Variants in STK26 observed in about 807,000 individuals in gnomAD.
STK26 encodes the protein serine/threonine-protein kinase 26.
Under a neutral mutation model 34.7 loss-of-function variants are expected in STK26, and 14 were observed. The ratio of observed to expected loss-of-function variants is 0.40; its 90% CI spans 0.27 to 0.63. The LOEUF is 0.63. Among genes scored for constraint, STK26 ranks in the 30% least tolerant of loss-of-function variants. The pLI, the probability that STK26 is intolerant of heterozygous loss-of-function variation, is 0.38. For missense variants in STK26, 226 were observed against 309.1 expected, an observed-to-expected ratio of 0.73 and a Z score of 2.02; for synonymous variants, 100 against 109.8, an observed-to-expected ratio of 0.91 and a Z score of 0.56.
In STK26 at chrX:132,023,669, C is replaced by A; in HGVS notation, c.42+10C>A. ...AGTGCCTGGGATGCAGGTGAGGAAG[C>A]GCAGGCCGCCCCCGCCGCCCACGTG... On this transcript the variant is annotated intron_variant, in intron 2 of 11. Transcript: ENST00000394334. 1 of 1,177,052 alleles carries A rather than the reference C, an allele frequency of 8.5e-7. No homozygotes were observed. The highest frequency in any genetic ancestry group is 1.1e-6 in the Non-Finnish European group (1 of 878,439).
chrX:132,044,364 C>A (rs1357659364), intron 2 of STK26, among the ~76,000 whole-genome samples: 1 of 110,818 alleles, frequency 9.0e-6, no homozygotes, highest in African/African-American at 3.3e-5. Flanking sequence ...TCAGGTTCCC[C>A]TAGGGGGATG....
chrX:132,038,027 C>G (rs184073660), intron 2 of STK26, among the ~76,000 whole-genome samples: 22 of 110,224 alleles, frequency 2.0e-4, no homozygotes, highest in African/African-American at 7.3e-4. Flanking sequence ...GATCTTCTAT[C>G]TGCTGAGGTT....
chrX:132,071,071 T>C lies in STK26; in HGVS notation c.786T>C (p.Arg262=), dbSNP rs150917439. The part of the protein sequence containing the change: ...DACLNKDPSF[R]PTAKELLKHK... The stretch of plus-strand genomic sequence containing the variant: ...AGCCTTGATCTTTTTATCCTTAGCG[T>C]CCTACAGCAAAAGAACTTCTGAAAC... Residue 262 remains arginine (R), a splice_region_variant and synonymous_variant, in exon 8 of 12, where the codon CGT becomes CGC. Transcript: ENST00000394334. The C allele has an allele frequency of 3.3e-6, 4 of 1,207,770 alleles. No individual in the cohort carries two copies. Among genetic ancestry groups the C allele is most frequent in the Non-Finnish European group, 3.4e-6 (3 of 893,193 alleles).
chrX:132,033,206 TAA>T (rs916398761), intron 2 of STK26, among the ~76,000 whole-genome samples: 1 of 111,069 alleles, frequency 9.0e-6, no homozygotes, highest in Non-Finnish European at 1.9e-5. Context: ...ATAGAAACCA[TAA>T]AGTCAGAATT....
rs145938039 is a variant in STK26, at chrX:132,057,628, C to T, written c.273+2767C>T. On this transcript the variant is annotated intron_variant, in intron 3 of 11. Coordinates refer to ENST00000394334, the MANE Select transcript of STK26 (RefSeq NM_016542.4). ...TCCTCTGCCGTCTTGGTGACTTTGTCATCGCTTTCCATCTATCTGTATCTA... is the reference window on the plus strand; with the variant it reads ...TCCTCTGCCGTCTTGGTGACTTTGTTATCGCTTTCCATCTATCTGTATCTA... 6.0e-3 allele frequency among the ~76,000 whole-genome samples: 667 copies of T among 111,182 alleles called. 4 individuals are homozygous for T. Among genetic ancestry groups the T allele is most frequent in the African/African-American group, 0.021 (630 of 30,578 alleles).
At chrX:132,048,966 TTTTG>T (rs745675021) in intron 2 of STK26, among the ~76,000 whole-genome samples, 2 of 108,270 alleles carry the variant, frequency 1.8e-5, no homozygotes, top group South Asian at 4.0e-4. Flanking sequence ...AAATTCTGTT[TTTTG>T]TTTGTTTGTT....
chrX:132,049,317 T>C (rs1426831242), intron 2 of STK26, among the ~76,000 whole-genome samples: 3 of 111,730 alleles, frequency 2.7e-5, no homozygotes, highest in Admixed American at 9.5e-5. Flanking sequence ...AAAAATGATA[T>C]CTTGATTAGG....
At chrX:132,061,893 T>A (rs1353301944) in intron 3 of STK26, among the ~76,000 whole-genome samples, 1 of 111,834 alleles carries the variant, frequency 8.9e-6, no homozygotes, top group Non-Finnish European at 1.9e-5. Context: ...AGCTTGAGAA[T>A]CTTCACCCCG....
chrX:132,063,240 T>C (rs1335375368), intron 3 of STK26, among the ~76,000 whole-genome samples, 193 bp from the exon 4 acceptor site: 1 of 111,546 alleles, frequency 9.0e-6, no homozygotes, highest in African/African-American at 3.3e-5. Flanking sequence ...CTCCCTACTA[T>C]CCTTCCCAGC....
At chrX:132,039,057 T>A (rs1437890412) in intron 2 of STK26, among the ~76,000 whole-genome samples, 1 of 111,214 alleles carries the variant, frequency 9.0e-6, no homozygotes, top group Non-Finnish European at 1.9e-5. Flanking sequence ...TCTGCCACTG[T>A]TTTCTCTATC....
At chrX:132,048,591 T>C (rs745968714) in intron 2 of STK26, among the ~76,000 whole-genome samples, 2 of 111,935 alleles carry the variant, frequency 1.8e-5, no homozygotes, top group South Asian at 7.4e-4. Flanking sequence ...TGTAAAAATA[T>C]ATTTTGGACA....
At chrX:132,068,868 C>T (rs761891643) in intron 6 of STK26, among the ~76,000 whole-genome samples, 6 of 111,208 alleles carry the variant, frequency 5.4e-5, no homozygotes, top group Admixed American at 9.6e-5. Context: ...CTACCACTCT[C>T]TTCTAGATTA....
intron 2 of STK26, among the ~76,000 whole-genome samples, chrX:132,032,341 T>A (rs777178110): frequency 1.8e-5 from 2 of 112,382 alleles, no homozygotes; most frequent in Non-Finnish European, 3.8e-5. Context: ...ATTGCTTAGA[T>A]GAAAGAGTTG....
At chrX:132,062,585 G>A (rs5933057) in intron 3 of STK26, among the ~76,000 whole-genome samples, 9,869 of 111,351 alleles carry the variant, frequency 0.089, 385 homozygotes, top group Non-Finnish European at 0.11. Flanking sequence ...CCCATTAACC[G>A]TAGCTGATAA....
intron 2 of STK26, among the ~76,000 whole-genome samples, chrX:132,040,686 T>C (rs927093400): frequency 8.9e-6 from 1 of 111,779 alleles, no homozygotes; most frequent in African/African-American, 3.3e-5. Context: ...GGAAAGTGAA[T>C]AGGGAGTGTT....
At position 132,066,351 on chromosome X, in the gene STK26, G is replaced by A. The variant is rs1927221154; in HGVS notation, c.331-1864G>A. ...CCATAAGAGAGGGCATAAAATAGCA[G>A]ACTGCATTAGGGACTGGCTGGAAGT... On this transcript the variant is annotated intron_variant, in intron 4 of 11. Transcript: ENST00000394334. Among the ~76,000 whole-genome samples the A allele has an allele frequency of 2.7e-5, 3 of 111,952 alleles. No individual in the cohort carries two copies. In the Admixed American group the frequency reaches 2.8e-4, roughly 11 times the overall value.
At chrX:132,059,848 TCTC>T (rs916872409) in intron 3 of STK26, among the ~76,000 whole-genome samples, 3 of 111,746 alleles carry the variant, frequency 2.7e-5, no homozygotes, top group African/African-American at 9.8e-5. Context: ...TTTGTGGCCT[TCTC>T]CTTATTTTTC....
At chrX:132,024,973 TA>T (rs986063953) in intron 2 of STK26, among the ~76,000 whole-genome samples, 7 of 108,574 alleles carry the variant, frequency 6.4e-5, no homozygotes, top group South Asian at 8.0e-4. Flanking sequence ...TAGTAGGGCT[TA>T]AAAAAAAAGA....
At position 132,035,796 on chromosome X, in the gene STK26, A is replaced by C. The variant is rs183654546; in HGVS notation, c.42+12137A>C. 5.2e-3 allele frequency among the ~76,000 whole-genome samples: 539 copies of C among 104,201 alleles called. 3 individuals carry two copies. The highest frequency in any genetic ancestry group is 7.7e-3 in the Non-Finnish European group (395 of 51,071). The allele number at this position is 104,201 out of a possible 115,157, so 90.5% of individuals were successfully genotyped here. A position where few individuals can be genotyped will look rare whatever the true frequency, so the allele number is the denominator to read the frequency against. On this transcript the variant is annotated intron_variant, in intron 2 of 11. Coordinates refer to ENST00000394334, the MANE Select transcript of STK26 (RefSeq NM_016542.4). ...TTATTATGTCCCCCCCTCAAAAAAA[A>C]AAACAAACAAACCAGACTTAATAGC...
Sources: allele counts gnomAD v4.1 joint callset (sites outside exome capture counted in the v4.1 genomes callset), GRCh38; gene constraint gnomAD v4.1.1; transcripts MANE v1.5; gene names NCBI Gene and HGNC (gene_info 2026-07-23, HGNC 2026-07-21).